The following GRM5 variants were observed in gnomAD, a reference collection of about 807,000 sequenced individuals.
The protein encoded by GRM5 is glutamate metabotropic receptor 5, also known as metabotropic glutamate receptor 5.
GRM5 carries 19 observed loss-of-function variants against 83.1 expected under a neutral mutation model. That is an observed-to-expected ratio of 0.23 (90% CI 0.16 to 0.34). The LOEUF is 0.34. Ranked by LOEUF, GRM5 falls within the 10% of genes least tolerant of loss-of-function variation. GRM5 has a pLI of 1.00. For missense variants in GRM5, 1,160 were observed against 1,588.3 expected (o/e 0.73, Z 4.58); for synonymous variants, 675 against 633.6 (o/e 1.07, Z -0.98).
intron 6 of GRM5, 88 bp downstream of exon 6, chr11:88,597,096 A>T: frequency 1.3e-6 from 1 of 759,576 alleles, no homozygotes; most frequent in Non-Finnish European, 2.1e-6. Flanking sequence ...AAAGTAAAAT[A>T]AGTGTCTAAA....
chr11:88,673,426 C>A (rs897895893), intron 3 of GRM5, among the ~76,000 whole-genome samples: 1 of 151,818 alleles, frequency 6.6e-6, no homozygotes, highest in Non-Finnish European at 1.5e-5. Flanking sequence ...TAGTTTTAAA[C>A]ATGTTAACTT....
chr11:88,824,155 T>A (rs1463646059), intron 3 of GRM5, among the ~76,000 whole-genome samples: 1 of 152,226 alleles, frequency 6.6e-6, no homozygotes, highest in Non-Finnish European at 1.5e-5. Context: ...GCAATGTTTC[T>A]TTATTCTATT....
intron 9 of GRM5, among the ~76,000 whole-genome samples, chr11:88,516,203 G>T (rs1347350142): frequency 6.6e-6 from 1 of 152,116 alleles, no homozygotes; most frequent in Non-Finnish European, 1.5e-5. Flanking sequence ...ATATTGACAG[G>T]TATTATTAAC....
At chr11:88,758,043 T>C (rs184380210) in intron 3 of GRM5, among the ~76,000 whole-genome samples, 27 of 152,214 alleles carry the variant, frequency 1.8e-4, no homozygotes, top group Admixed American at 3.9e-4. Context: ...ACCCACCTTA[T>C]ACCACAATCA....
At chr11:88,687,669 G>C (rs12792431) in intron 3 of GRM5, among the ~76,000 whole-genome samples, 18,871 of 131,258 alleles carry the variant, frequency 0.14, 1,899 homozygotes, top group Non-Finnish European at 0.22. Flanking sequence ...TTTCTATATA[G>C]TTTCACTAGG....
intron 8 of GRM5, among the ~76,000 whole-genome samples, chr11:88,560,679 T>A (rs1394304195): frequency 6.6e-6 from 1 of 152,170 alleles, no homozygotes; most frequent in Non-Finnish European, 1.5e-5. Flanking sequence ...AGATCTCTAA[T>A]CCACCTGTCC....
At chr11:88,801,637 G>A (rs1196727450) in intron 3 of GRM5, among the ~76,000 whole-genome samples, 2 of 152,118 alleles carry the variant, frequency 1.3e-5, no homozygotes, top group African/African-American at 4.8e-5. Flanking sequence ...AGTTAAAAGA[G>A]TGTATTAAGA....
At chr11:88,992,974 C>A (rs1341653588) in intron 2 of GRM5, among the ~76,000 whole-genome samples, 2 of 151,300 alleles carry the variant, frequency 1.3e-5, no homozygotes, top group African/African-American at 4.9e-5. Flanking sequence ...ATGTAACAAA[C>A]CTGCACGTTG....
At chr11:88,840,444 C>T (rs1490940199) in intron 3 of GRM5, among the ~76,000 whole-genome samples, 1 of 152,146 alleles carries the variant, frequency 6.6e-6, no homozygotes, top group Non-Finnish European at 1.5e-5. Context: ...TTGAATTTCT[C>T]CAAGATCCAT....
Position 88,508,091 on chromosome 11 carries a change from A to G in GRM5, c.*501T>C, listed in dbSNP as rs1462270895. ...GGTCTTTACAGGAAAGAAAAAACAA[A>G]AAGAAAGAAAAAAGAAAGAAAAAAG... is the stretch of plus-strand genomic sequence containing the variant. On this transcript the variant is annotated 3_prime_UTR_variant, in exon 10 of 10. Transcript: ENST00000305447. The surrounding 1 kb of genome is among the most constrained non-coding windows in gnomAD (Gnocchi z 4.2). 6.5e-6 allele frequency: 1 copy of G among 153,270 alleles called. No homozygotes were observed. The highest frequency in any genetic ancestry group is 1.5e-5 in the Non-Finnish European group (1 of 68,554). 9.5% of individuals were successfully genotyped at this position (153,270 alleles called of 1,614,324 possible).
At chr11:88,894,230 A>G (rs1482547394) in intron 2 of GRM5, among the ~76,000 whole-genome samples, 1 of 151,978 alleles carries the variant, frequency 6.6e-6, no homozygotes, top group African/African-American at 2.4e-5. Flanking sequence ...ACATGATCGA[A>G]CCAATCTATA....
chr11:88,524,214 C>CTTTTTTTTTTTTTTTTT (rs71470770), intron 9 of GRM5, among the ~76,000 whole-genome samples: 5 of 101,402 alleles, frequency 4.9e-5, no homozygotes, highest in East Asian at 2.7e-4. Flanking sequence ...TTCTTTCTTT[C>CTTTTTTTTTTTTTTTTT]TTTTTTTTTT....
At chr11:88,894,067 C>T (rs1565280950) in intron 2 of GRM5, among the ~76,000 whole-genome samples, 1 of 151,958 alleles carries the variant, frequency 6.6e-6, no homozygotes, top group Non-Finnish European at 1.5e-5. Flanking sequence ...AAGCACTAGA[C>T]ATTTTCAAGA....
At chr11:89,002,135 TTTTAAG>T (rs1441269852) in intron 2 of GRM5, among the ~76,000 whole-genome samples, 17 of 152,256 alleles carry the variant, frequency 1.1e-4, no homozygotes, top group Non-Finnish European at 1.8e-4. Flanking sequence ...CATATTTCTA[TTTTAAG>T]TTTAACTATT....
intron 2 of GRM5, among the ~76,000 whole-genome samples, chr11:88,906,183 G>A (rs1481815205): frequency 3.9e-5 from 6 of 152,050 alleles, no homozygotes; most frequent in Non-Finnish European, 8.8e-5. Context: ...AGCATTTATG[G>A]TTACTGGCTT....
chr11:88,802,521 G>T (rs940469093), intron 3 of GRM5, among the ~76,000 whole-genome samples: 9 of 152,134 alleles, frequency 5.9e-5, no homozygotes, highest in Non-Finnish European at 2.9e-5. Context: ...ATTAGGTATT[G>T]ATGGGACATA....
At chr11:88,618,504 T>C (rs2135252960) in intron 4 of GRM5, among the ~76,000 whole-genome samples, 1 of 152,144 alleles carries the variant, frequency 6.6e-6, no homozygotes, top group South Asian at 2.1e-4. Flanking sequence ...ATTCAGAGAT[T>C]AAGTCATTGA....
chr11:88,536,400 A>G (rs1407806400), intron 8 of GRM5, among the ~76,000 whole-genome samples: 1 of 152,154 alleles, frequency 6.6e-6, no homozygotes, highest in Non-Finnish European at 1.5e-5. Flanking sequence ...CTTTCCAGCC[A>G]CCATCTTCTT....
chr11:88,996,340 C>T (rs1023937083), intron 2 of GRM5, among the ~76,000 whole-genome samples: 14 of 152,316 alleles, frequency 9.2e-5, no homozygotes, highest in African/African-American at 3.4e-4. Flanking sequence ...ATTTGGTGTA[C>T]TTGGGCTTCA....
Sources: gnomAD v4.1 joint callset for allele counts (sites outside exome capture counted in the v4.1 genomes callset) on GRCh38, gnomAD v4.1.1 for gene constraint, Gnocchi (gnomAD v3.1) non-coding constraint, MANE v1.5 for transcripts, NCBI Gene and HGNC (gene_info 2026-07-23, HGNC 2026-07-21) for gene names.